The following PCDHA9 variants were observed in gnomAD, a reference collection of about 807,000 sequenced individuals.
The protein encoded by PCDHA9 is protocadherin alpha-9.
PCDHA9 carries 62 observed loss-of-function variants against 62.0 expected under a neutral mutation model. The ratio of observed to expected loss-of-function variants is 1.00; its 90% CI spans 0.81 to 1.23. The LOEUF (loss-of-function observed/expected upper bound fraction) is 1.23, where lower values mean the gene tolerates loss of function less well. Ranked by LOEUF, PCDHA9 falls within the 50% of genes most tolerant of loss-of-function variation. PCDHA9 has a pLI of 0.00. For missense variants in PCDHA9, 1,205 were observed against 1,249.8 expected (o/e 0.96, Z 0.54); for synonymous variants, 557 against 567.6 (o/e 0.98, Z 0.27).
intron 1 of PCDHA9, among the ~76,000 whole-genome samples, chr5:140,923,207 A>G (rs2081229144): frequency 6.6e-6 from 1 of 152,144 alleles, no homozygotes. Flanking sequence ...TGGGAGGCTA[A>G]GGTGAAAGGA....
chr5:140,875,949 T>C (rs1306170767), intron 1 of PCDHA9: 2 of 1,614,096 alleles, frequency 1.2e-6, no homozygotes, highest in African/African-American at 2.7e-5. Context: ...GCGCTTCTGA[T>C]GCGGATATCG....
At chr5:140,893,391 G>T (rs1481818388) in intron 1 of PCDHA9, among the ~76,000 whole-genome samples, 1 of 152,158 alleles carries the variant, frequency 6.6e-6, no homozygotes, top group Non-Finnish European at 1.5e-5. Context: ...AGTGGCTCAT[G>T]CCTGTAATCC....
intron 1 of PCDHA9, among the ~76,000 whole-genome samples, chr5:140,881,872 A>C (rs907896928): frequency 6.6e-6 from 1 of 152,240 alleles, no homozygotes; most frequent in South Asian, 2.1e-4. Context: ...TTGTGGCAAA[A>C]TGAAACTCAT....
intron 1 of PCDHA9, chr5:140,876,095 T>C (rs781801828): frequency 4.3e-6 from 7 of 1,613,928 alleles, no homozygotes; most frequent in Non-Finnish European, 5.9e-6. Context: ...ACGCCAAAAC[T>C]CAATTTATTG....
chr5:140,939,424 A>G lies in PCDHA9; in HGVS notation c.2395-39525A>G, dbSNP rs186047779. 5.0e-4 allele frequency among the ~76,000 whole-genome samples: 76 copies of G among 152,290 alleles called. 1 individual carries two copies. Among genetic ancestry groups the G allele is most frequent in the Admixed American group, 1.3e-4 (2 of 15,302 alleles). On this transcript the variant is annotated intron_variant, in intron 1 of 3. Coordinates refer to ENST00000532602, the MANE Select transcript of PCDHA9 (RefSeq NM_031857.2). ...GTGTAAATCAGCATTTTTTTCTTCC[A>G]TAAGCATTTGAAGAATTAAGAGTGA...
At chr5:140,887,459 G>T (rs532781133) in intron 1 of PCDHA9, among the ~76,000 whole-genome samples, 4 of 152,126 alleles carry the variant, frequency 2.6e-5, no homozygotes, top group Non-Finnish European at 5.9e-5. Flanking sequence ...TTTTTTAAAA[G>T]ATATAATTCA....
At chr5:141,009,173 G>A (rs1486905042) in intron 3 of PCDHA9, among the ~76,000 whole-genome samples, 3 of 152,204 alleles carry the variant, frequency 2.0e-5, no homozygotes, top group African/African-American at 7.2e-5. Flanking sequence ...TACTGGCCTT[G>A]GCTGGGTGTG....
chr5:140,949,714 T>A (rs2094416715), intron 1 of PCDHA9, among the ~76,000 whole-genome samples: 1 of 151,848 alleles, frequency 6.6e-6, no homozygotes, highest in South Asian at 2.1e-4. Flanking sequence ...TTTTACCCAT[T>A]TTGATAATAT....
chr5:140,876,814 G>C (rs571648883), intron 1 of PCDHA9: 4 of 1,614,226 alleles, frequency 2.5e-6, no homozygotes, highest in Non-Finnish European at 2.5e-6. Flanking sequence ...GGTGGCCGAC[G>C]TGAACGACAA....
At chr5:140,866,828 T>C (rs1260647763) in intron 1 of PCDHA9, 1 of 152,140 alleles carries the variant, frequency 6.6e-6, no homozygotes, top group East Asian at 1.9e-4. Flanking sequence ...CTTCAATTGA[T>C]TTTACAAAAT....
At chr5:140,927,533 C>T in intron 1 of PCDHA9, 1 of 1,614,102 alleles carries the variant, frequency 6.2e-7, no homozygotes, top group Non-Finnish European at 8.5e-7. Flanking sequence ...CCTGCCCGCT[C>T]AGGAGACGCA....
rs1205846373 is a variant in PCDHA9 at position 140,858,213 on chromosome 5, C to T, written c.2394+7324C>T. Reference sequence around the variant, plus strand: ...CTGCTGTACACTGCACTGAGGTGCTCGGCGGCGCCCACCGAGGGCGCATGT... The same window carrying T: ...CTGCTGTACACTGCACTGAGGTGCTTGGCGGCGCCCACCGAGGGCGCATGT... On this transcript the variant is annotated intron_variant, in intron 1 of 3. Coordinates refer to ENST00000532602, the MANE Select transcript of PCDHA9 (RefSeq NM_031857.2). 13 of 1,594,002 alleles carry T rather than the reference C, an allele frequency of 8.2e-6. 3 individuals are homozygous for T. Among genetic ancestry groups the T allele is most frequent in the Non-Finnish European group, 1.1e-5 (13 of 1,165,570 alleles).
At chr5:140,945,955 A>C (rs1174972799) in intron 1 of PCDHA9, among the ~76,000 whole-genome samples, 2 of 152,136 alleles carry the variant, frequency 1.3e-5, no homozygotes, top group African/African-American at 4.8e-5. Context: ...TGACCCTGAA[A>C]GCACAGGCAA....
intron 1 of PCDHA9, among the ~76,000 whole-genome samples, chr5:140,972,284 T>A (rs113618936): frequency 3.6e-4 from 55 of 150,874 alleles, no homozygotes; most frequent in African/African-American, 1.3e-3. Context: ...GGACCATAGA[T>A]GTGCGCCACC....
intron 1 of PCDHA9, among the ~76,000 whole-genome samples, chr5:140,976,726 T>C (rs2096728998): frequency 6.6e-6 from 1 of 152,202 alleles, no homozygotes; most frequent in East Asian, 1.9e-4. Context: ...TTCATTTATT[T>C]AAACACATTT....
At chr5:140,892,721 T>A (rs1554185338) in intron 1 of PCDHA9, among the ~76,000 whole-genome samples, 1 of 152,226 alleles carries the variant, frequency 6.6e-6, no homozygotes, top group Admixed American at 6.5e-5. Flanking sequence ...ATTCATAATC[T>A]CAAACATTTA....
At chr5:141,008,557 T>G (rs1394611167) in intron 3 of PCDHA9, among the ~76,000 whole-genome samples, 3 of 152,218 alleles carry the variant, frequency 2.0e-5, no homozygotes, top group African/African-American at 7.2e-5. Flanking sequence ...CTCCTGTGGA[T>G]GCATAATCAT....
intron 1 of PCDHA9, among the ~76,000 whole-genome samples, chr5:140,900,283 C>A (rs1325528461): frequency 6.6e-6 from 1 of 151,666 alleles, no homozygotes; most frequent in Non-Finnish European, 1.5e-5. Flanking sequence ...ACCACACTTT[C>A]TTTTCTGTTT....
intron 1 of PCDHA9, among the ~76,000 whole-genome samples, chr5:140,901,939 A>G (rs1583441166): frequency 6.6e-6 from 1 of 151,884 alleles, no homozygotes; most frequent in Non-Finnish European, 1.5e-5. Flanking sequence ...TCCTAGGTAT[A>G]TTTAGTTTTA....
Sources: gnomAD v4.1 joint callset for allele counts (sites outside exome capture counted in the v4.1 genomes callset) on GRCh38, gnomAD v4.1.1 for gene constraint, MANE v1.5 for transcripts, NCBI Gene and HGNC (gene_info 2026-07-23, HGNC 2026-07-21) for gene names.